MPND: variants seen among roughly 807,000 people sequenced by gnomAD.
MPND encodes the protein MPN domain-containing protein.
MPND carries 56 observed loss-of-function variants against 59.2 expected under a neutral mutation model. The ratio of observed to expected loss-of-function variants is 0.95; its 90% CI spans 0.76 to 1.18. MPND has a LOEUF of 1.18. Among genes scored for constraint, MPND ranks in the 50% most tolerant of loss-of-function variants. MPND has a pLI of 0.00. For missense variants in MPND, 671 were observed against 676.0 expected (o/e 0.99, Z 0.08); for synonymous variants, 323 against 291.9 (o/e 1.11, Z -1.09).
chr19:4,354,518 G>A (rs1450083218), intron 6 of MPND, 98 bp downstream of exon 6: 1 of 980,250 alleles, frequency 1.0e-6, no homozygotes. Context: ...GAGAGCTGGG[G>A]CCTTGTCTGC....
In MPND at chr19:4,343,907, G is replaced by C. The variant is rs1003025271; in HGVS notation, c.207G>C (p.Ala69=). The change falls in exon 2 of 13, where the codon GCG becomes GCC. Residue 69 remains alanine, a synonymous_variant. Transcript: ENST00000599840. ...GGGGCTGCGGCGGGCCCGGGGGCGC[G>C]CTCACCAGGCGCGCGGTCACACTGC... is the stretch of plus-strand genomic sequence containing the variant. The part of the protein sequence containing the change: ...GAGGCGGPGG[A]LTRRAVTLRV... 271 of 1,268,496 alleles carry C rather than the reference G, an allele frequency of 2.1e-4. No individual in the cohort carries two copies. The highest frequency in any genetic ancestry group is 2.5e-4 in the Non-Finnish European group (254 of 1,011,774). The allele number at this position is 1,268,496 out of a possible 1,614,324, so 78.6% of individuals were successfully genotyped here. A position where few individuals can be genotyped will look rare whatever the true frequency, so the allele number is the denominator to read the frequency against.
chr19:4,355,886 G>T (rs1430503505), intron 8 of MPND, among the ~76,000 whole-genome samples: 4 of 126,932 alleles, frequency 3.2e-5, no homozygotes, highest in Non-Finnish European at 6.5e-5. Flanking sequence ...AGACATTCTC[G>T]CTCTGTCGCC....
At chr19:4,349,378 G>C (rs923235267) in intron 3 of MPND, among the ~76,000 whole-genome samples, 1 of 152,140 alleles carries the variant, frequency 6.6e-6, no homozygotes, top group Non-Finnish European at 1.5e-5. Flanking sequence ...AGCCAGTCAC[G>C]ATTCCTTTGC....
At chr19:4,351,377 G>A (rs573311954) in intron 3 of MPND, among the ~76,000 whole-genome samples, 91 of 152,232 alleles carry the variant, frequency 6.0e-4, no homozygotes, top group African/African-American at 2.0e-3. Context: ...TGCTGGGATT[G>A]CAGGCGTGGG....
chr19:4,356,868 G>A (rs1972449162), intron 8 of MPND: 1 of 168,328 alleles, frequency 5.9e-6, no homozygotes, highest in South Asian at 2.0e-4. Context: ...TTGAACTCGT[G>A]ACCTCAAGTG....
Position 4,358,195 on chromosome 19 carries a change from A to T in MPND, c.1326+23A>T, listed in dbSNP as rs532426316. The stretch of plus-strand genomic sequence containing the variant: ...ATGGTGAGCTCGCTGCGGGGCGGGC[A>T]GGCAGGGGCTGGCAGTGCGCAGCTG... On this transcript the variant is annotated intron_variant, in intron 11 of 12. Transcript: ENST00000599840. 69 of 1,545,936 alleles carry T rather than the reference A, an allele frequency of 4.5e-5. No individual in the cohort carries two copies. In the Admixed American group the frequency reaches 4.5e-4, roughly 10 times the overall value.
rs373830032 is a variant in MPND, at chr19:4,355,132, C to T, written c.955C>T (p.Arg319Trp). 2.4e-5 allele frequency: 38 copies of T among 1,613,540 alleles called. 1 individual carries two copies. Among genetic ancestry groups the T allele is most frequent in the African/African-American group, 1.6e-4 (12 of 74,890 alleles). ...TVLRAFPCRS[R>W]LGDAETAAAI... ...GCTCAGAGCCTTCCCTTGTCGGAGC[C>T]GGCTCGGGGACGCAGAGACTGCAGC... The change falls in exon 8 of 13, where the codon CGG (arginine) becomes TGG (tryptophan). Residue 319 changes from arginine to tryptophan, a missense_variant. Physicochemically the swap from Arg to Trp is moderately radical, Grantham distance 101. Coordinates refer to ENST00000599840, the MANE Select transcript of MPND (RefSeq NM_001300862.2).
intron 12 of MPND, 39 bp from the exon 13 acceptor site, chr19:4,359,877 C>G: frequency 1.3e-6 from 2 of 1,511,752 alleles, no homozygotes; most frequent in South Asian, 1.2e-5. Context: ...CTGGCTAGGA[C>G]CCCCGGGCAC....
intron 11 of MPND, 118 bp downstream of exon 11, chr19:4,358,290 C>T: frequency 2.2e-6 from 2 of 893,112 alleles, no homozygotes; most frequent in Non-Finnish European, 1.7e-6. Flanking sequence ...GCCTTGGGGG[C>T]CTGGGTTAGG....
Position 4,354,932 on chromosome 19 carries a change from G to A in MPND, c.847-17G>A. 1.3e-6 allele frequency: 2 copies of A among 1,573,036 alleles called. No homozygotes were observed. Among genetic ancestry groups the A allele is most frequent in the South Asian group, 2.4e-5 (2 of 84,032 alleles). On this transcript the variant is annotated splice_polypyrimidine_tract_variant and intron_variant, in intron 6 of 12. Transcript: ENST00000599840. Reference sequence around the variant, plus strand: ...CCACAGCCTGAGCCAGTCTTTTGCTGTTCCTCCCTTCCCCAGGACTTCCAC... The same window carrying A: ...CCACAGCCTGAGCCAGTCTTTTGCTATTCCTCCCTTCCCCAGGACTTCCAC...
intron 2 of MPND, 106 bp downstream of exon 2, chr19:4,344,100 C>A: frequency 1.2e-6 from 1 of 853,144 alleles, no homozygotes; most frequent in Non-Finnish European, 1.5e-6. Context: ...GGAGGGGACA[C>A]TGAGGCCCGG....
chr19:4,353,736 A>AT, intron 4 of MPND: 14 of 285,592 alleles, frequency 4.9e-5, no homozygotes, highest in South Asian at 1.4e-4. Flanking sequence ...TAATTTTTGT[A>AT]TTTTTTTTCA....
In MPND at chr19:4,359,999, C is replaced by T. The variant is rs774111768; in HGVS notation, c.1503C>T (p.Ser501=). Residue 501 remains serine, a synonymous_variant, in exon 13 of 13, where the codon AGC becomes AGT. Transcript: ENST00000599840. ...TGTGCGGCGTCCTCAAGCAGGGGAG[C>T]TGAGCCTTCCAGGGCAGGGTGGGCT... ...EQVCGVLKQG[S] is the part of the protein sequence containing the mutation. The T allele has an allele frequency of 9.0e-6, 14 of 1,560,416 alleles. No individual in the cohort carries two copies. The highest frequency in any genetic ancestry group is 1.9e-5 in the Admixed American group (1 of 52,964).
chr19:4,344,735 CTTTTTT>C (rs369442146), intron 2 of MPND, among the ~76,000 whole-genome samples: 1 of 126,982 alleles, frequency 7.9e-6, no homozygotes. Context: ...GGTATTAGTA[CTTTTTT>C]TTTTTTTTTT....
chr19:4,354,583 G>A (rs1182125006), intron 6 of MPND, 163 bp downstream of exon 6: 4 of 652,652 alleles, frequency 6.1e-6, no homozygotes, highest in Admixed American at 2.7e-5. Flanking sequence ...AGGAGGGTGC[G>A]TGGCCAGGCC....
chr19:4,359,569 A>T (rs1372798754), intron 12 of MPND, among the ~76,000 whole-genome samples: 1 of 152,064 alleles, frequency 6.6e-6, no homozygotes, highest in Non-Finnish European at 1.5e-5. Flanking sequence ...GTTTCCCTCC[A>T]CCTGGCATAG....
At chr19:4,359,332 A>G (rs960034635) in intron 12 of MPND, 77 bp downstream of exon 12, 10 of 1,119,444 alleles carry the variant, frequency 8.9e-6, no homozygotes, top group South Asian at 3.8e-5. Flanking sequence ...GGTGGCAGCA[A>G]TGAGCCCCGT....
chr19:4,358,304 T>G, intron 11 of MPND, 132 bp downstream of exon 11: 2 of 765,916 alleles, frequency 2.6e-6, no homozygotes, highest in Non-Finnish European at 4.3e-6. Flanking sequence ...GGTTAGGGCT[T>G]CTTCCATCAC....
chr19:4,357,127 G>A (rs1298349323), intron 8 of MPND, 126 bp from the exon 9 acceptor site: 12 of 1,053,060 alleles, frequency 1.1e-5, no homozygotes, highest in African/African-American at 1.6e-5. Flanking sequence ...GGCAGGGCCT[G>A]TCTTGGTCAT....
Sources: allele counts gnomAD v4.1 joint callset (sites outside exome capture counted in the v4.1 genomes callset), GRCh38; gene constraint gnomAD v4.1.1; transcripts MANE v1.5; gene names NCBI Gene and HGNC (gene_info 2026-07-23, HGNC 2026-07-21).